The following EFCAB6 variants were observed in gnomAD, a reference collection of about 807,000 sequenced individuals.
EFCAB6 encodes EF-hand calcium binding domain 6.
Under a neutral mutation model 169.8 loss-of-function variants are expected in EFCAB6, and 156 were observed. The ratio of observed to expected loss-of-function variants is 0.92; its 90% CI spans 0.81 to 1.05. The LOEUF (loss-of-function observed/expected upper bound fraction) is 1.05. Among genes scored for constraint, EFCAB6 ranks in the 50% least tolerant of loss-of-function variants. The pLI is 0.00. For missense variants in EFCAB6, 1,800 were observed against 1,829.1 expected (o/e 0.98, Z 0.29); for synonymous variants, 698 against 676.4 (o/e 1.03, Z -0.50).
At chr22:43,787,354 AC>A (rs1569489425) in intron 2 of EFCAB6, among the ~76,000 whole-genome samples, 1 of 5,998 alleles carries the variant, frequency 1.7e-4, no homozygotes, top group Non-Finnish European at 4.3e-4. Flanking sequence ...ACACATATGC[AC>A]ACACACACAC....
intron 11 of EFCAB6, among the ~76,000 whole-genome samples, chr22:43,684,612 G>A (rs2058120711): frequency 1.3e-5 from 2 of 152,202 alleles, no homozygotes; most frequent in African/African-American, 4.8e-5. Context: ...ATTTGTTTGG[G>A]AGTTTTTGTT....
Position 43,690,465 on chromosome 22 carries a change from G to A in EFCAB6, c.1032-2884C>T, listed in dbSNP as rs549098992. Reference sequence around the variant, plus strand: ...CAGGAGGCGGAGCCTGCAGTGAGCCGAGATCATGCCACTGCACTCCAGCCT... The same window carrying A: ...CAGGAGGCGGAGCCTGCAGTGAGCCAAGATCATGCCACTGCACTCCAGCCT... On this transcript the variant is annotated intron_variant, in intron 10 of 31. Transcript: ENST00000262726. Among the ~76,000 whole-genome samples the A allele has an allele frequency of 4.5e-4, 67 of 150,052 alleles. 1 individual carries two copies. In the South Asian group the frequency reaches 0.011, roughly 24 times the overall value.
At chr22:43,681,509 A>G (rs1723657112) in intron 12 of EFCAB6, among the ~76,000 whole-genome samples, 1 of 152,190 alleles carries the variant, frequency 6.6e-6, no homozygotes, top group Non-Finnish European at 1.5e-5. Context: ...GTATTTTCTG[A>G]AAGTTTGTGA....
Position 43,795,521 on chromosome 22 carries a change from C to CT in EFCAB6, c.-7-13197dup, listed in dbSNP as rs1239186437. On this transcript the variant is annotated intron_variant, in intron 2 of 31. Coordinates refer to ENST00000262726, the MANE Select transcript of EFCAB6 (RefSeq NM_022785.4). This position sits in a 1 kb window ranked among gnomAD's most constrained non-coding sequence, Gnocchi z 4.2. ...GGCCCTGCTCCACCCCAGCCGATTC[C>CT]TCTGCCTTGAGACCTCCTGGAACAT... Among the ~76,000 whole-genome samples the CT allele has an allele frequency of 6.6e-6, 1 of 152,134 alleles. No homozygotes were observed. Among genetic ancestry groups the CT allele is most frequent in the Non-Finnish European group, 1.5e-5 (1 of 68,022 alleles).
Position 43,782,293 on chromosome 22 carries a change from T to G in EFCAB6, c.26A>C (p.Asp9Ala), listed in dbSNP as rs2061850829. The G allele has an allele frequency of 1.2e-6, 2 of 1,613,422 alleles. No individual in the cohort carries two copies. Among genetic ancestry groups the G allele is most frequent in the African/African-American group, 2.7e-5 (2 of 75,032 alleles). The change falls in exon 3 of 32, where the codon GAC (aspartate) becomes GCC (alanine). Residue 9 changes from aspartate to alanine, a missense_variant. Coordinates refer to ENST00000262726, the MANE Select transcript of EFCAB6 (RefSeq NM_022785.4). The stretch of plus-strand genomic sequence containing the variant: ...TGTGTGAGGATGCGACCTAAGCCAG[T>G]CTGGTATAATCGCCATTTTGCACAT... Reference protein sequence around the residue: MCKMAIIPDWLRSHPHTRK... With the variant: MCKMAIIPAWLRSHPHTRK...
At chr22:43,549,306 A>T (rs1691348852) in intron 27 of EFCAB6, among the ~76,000 whole-genome samples, 1 of 152,206 alleles carries the variant, frequency 6.6e-6, no homozygotes, top group Non-Finnish European at 1.5e-5. Flanking sequence ...AAATAGGCAA[A>T]TTCTGGCAAG....
intron 20 of EFCAB6, among the ~76,000 whole-genome samples, chr22:43,618,572 T>G (rs2053904464): frequency 6.6e-6 from 1 of 152,170 alleles, no homozygotes; most frequent in Non-Finnish European, 1.5e-5. Flanking sequence ...GTTATGAGTT[T>G]CATGGGGCTT....
intron 23 of EFCAB6, among the ~76,000 whole-genome samples, chr22:43,592,500 G>A (rs142831060): frequency 3.1e-4 from 47 of 152,308 alleles, no homozygotes; most frequent in Non-Finnish European, 5.1e-4. Context: ...AGCATTCAGC[G>A]TTTCTTGGAC....
chr22:43,633,278 G>A (rs561554602), intron 18 of EFCAB6, among the ~76,000 whole-genome samples: 11 of 152,338 alleles, frequency 7.2e-5, no homozygotes, highest in African/African-American at 2.6e-4. Context: ...GGCCAGGCAC[G>A]TTGGCTCACG....
chr22:43,703,417 A>G (rs1167750471), intron 10 of EFCAB6, among the ~76,000 whole-genome samples: 1 of 152,220 alleles, frequency 6.6e-6, no homozygotes, highest in African/African-American at 2.4e-5. Flanking sequence ...TTTCAAATGC[A>G]TGGATACCAA....
At chr22:43,675,300 TTA>T (rs1394975650) in intron 13 of EFCAB6, among the ~76,000 whole-genome samples, 2 of 123,984 alleles carry the variant, frequency 1.6e-5, no homozygotes, top group Non-Finnish European at 3.5e-5. Flanking sequence ...TATAGCATAA[TTA>T]TATATTATAG....
chr22:43,755,863 AC>A, intron 5 of EFCAB6, 31 bp from the exon 6 acceptor site: 1 of 1,547,862 alleles, frequency 6.5e-7, no homozygotes. Context: ...CTTTATTAAA[AC>A]ATTTTAACCA....
chr22:43,706,317 A>T (rs1158552163), intron 10 of EFCAB6, among the ~76,000 whole-genome samples: 1 of 152,170 alleles, frequency 6.6e-6, no homozygotes, highest in African/African-American at 2.4e-5. Flanking sequence ...TCACCTTTTC[A>T]TAGAAGCCTT....
chr22:43,742,738 T>G (rs1410302417), intron 6 of EFCAB6, among the ~76,000 whole-genome samples: 2 of 152,224 alleles, frequency 1.3e-5, no homozygotes, highest in Non-Finnish European at 2.9e-5. Flanking sequence ...CAGGGCCATA[T>G]GCTAGCCCTG....
chr22:43,687,404 TTC>T, intron 11 of EFCAB6, 65 bp downstream of exon 11: 1 of 956,618 alleles, frequency 1.0e-6, no homozygotes, highest in Non-Finnish European at 1.5e-6. Flanking sequence ...AGCACAGATA[TTC>T]TCTGATATTT....
At chr22:43,659,158 G>A (rs2056888415) in intron 17 of EFCAB6, among the ~76,000 whole-genome samples, 1 of 152,186 alleles carries the variant, frequency 6.6e-6, no homozygotes, top group African/African-American at 2.4e-5. Context: ...CTGGGTCTCT[G>A]GCGTTGTGTG....
At chr22:43,592,517 C>G (rs2051633212) in intron 23 of EFCAB6, among the ~76,000 whole-genome samples, 1 of 152,150 alleles carries the variant, frequency 6.6e-6, no homozygotes, top group Non-Finnish European at 1.5e-5. Flanking sequence ...GGACTGGTTT[C>G]TAGGCAGTAA....
intron 13 of EFCAB6, among the ~76,000 whole-genome samples, chr22:43,673,650 T>C (rs894251985): frequency 2.0e-5 from 3 of 151,976 alleles, no homozygotes; most frequent in Admixed American, 6.6e-5. Flanking sequence ...TGTGGTGGTG[T>C]GCGCCTATAA....
In EFCAB6 at chr22:43,678,176, G is replaced by A. The variant is rs1238190165; in HGVS notation, c.1252-13C>T. 21 of 1,440,920 alleles carry A rather than the reference G, an allele frequency of 1.5e-5. No individual in the cohort carries two copies. Among genetic ancestry groups the A allele is most frequent in the Non-Finnish European group, 2.0e-5 (21 of 1,063,206 alleles). 89.3% of individuals were successfully genotyped at this position (1,440,920 alleles called of 1,614,324 possible). On this transcript the variant is annotated splice_polypyrimidine_tract_variant and intron_variant, in intron 12 of 31. Transcript: ENST00000262726. ...GTCCATCGGGTTTCTGAGCATCAGAGTGTATATAAGGGAATTTTTGAAAAA... is the reference window on the plus strand; with the variant it reads ...GTCCATCGGGTTTCTGAGCATCAGAATGTATATAAGGGAATTTTTGAAAAA...
Sources: gnomAD v4.1 joint callset for allele counts (sites outside exome capture counted in the v4.1 genomes callset) on GRCh38, gnomAD v4.1.1 for gene constraint, Gnocchi (gnomAD v3.1) non-coding constraint, MANE v1.5 for transcripts, NCBI Gene and HGNC (gene_info 2026-07-23, HGNC 2026-07-21) for gene names.